TTC6: variants seen among roughly 807,000 people sequenced by gnomAD.
TTC6 encodes the protein tetratricopeptide repeat domain 6.
In TTC6, 172 loss-of-function variants were observed where a neutral mutation model predicts 210.4. The observed-to-expected ratio is 0.82, with a 90% CI of 0.72 to 0.93. The LOEUF is 0.93. Among genes scored for constraint, TTC6 ranks in the 40% least tolerant of loss-of-function variants. The pLI is 0.00. For missense variants in TTC6, 2,414 were observed against 2,318.1 expected (o/e 1.04, Z -0.85); for synonymous variants, 804 against 819.6 (o/e 0.98, Z 0.32).
At chr14:37,716,126 C>A (rs529998997) in intron 6 of TTC6, among the ~76,000 whole-genome samples, 1 of 151,948 alleles carries the variant, frequency 6.6e-6, no homozygotes, top group African/African-American at 2.4e-5. Flanking sequence ...TAAAATAATA[C>A]CCTCAGTCAA....
intron 1 of TTC6, among the ~76,000 whole-genome samples, chr14:37,647,323 G>A (rs1228220548): frequency 6.6e-6 from 1 of 152,224 alleles, no homozygotes; most frequent in Admixed American, 6.5e-5. Flanking sequence ...GTAAAGGAAG[G>A]AAGATAGGCA....
intron 1 of TTC6, among the ~76,000 whole-genome samples, chr14:37,629,817 G>A (rs1488683088): frequency 6.6e-6 from 1 of 152,118 alleles, no homozygotes; most frequent in African/African-American, 2.4e-5. Flanking sequence ...TTAGCATGAA[G>A]GACTGTTGAA....
chr14:37,784,048 G>C (rs921205519), intron 14 of TTC6, among the ~76,000 whole-genome samples: 1 of 152,020 alleles, frequency 6.6e-6, no homozygotes, highest in Admixed American at 6.6e-5. Flanking sequence ...GCTTTACTTC[G>C]AACTGTGTGG....
At chr14:37,609,267 T>C (rs1427842953) in intron 2 of TTC6, among the ~76,000 whole-genome samples, 2 of 151,972 alleles carry the variant, frequency 1.3e-5, no homozygotes, top group African/African-American at 4.8e-5. Context: ...ATATATAAAA[T>C]TAGCTGGGCA....
chr14:37,815,301 G>C (rs1325640583), intron 25 of TTC6, among the ~76,000 whole-genome samples: 1 of 152,112 alleles, frequency 6.6e-6, no homozygotes, highest in Non-Finnish European at 1.5e-5. Context: ...TTTGGTACCA[G>C]GGACCAGTTT....
chr14:37,696,943 A>G (rs566451228), intron 4 of TTC6, 108 bp downstream of exon 6: 3 of 481,236 alleles, frequency 6.2e-6, no homozygotes, highest in South Asian at 1.3e-4. Flanking sequence ...TTAGAAATTC[A>G]TATATGAGAC....
At chr14:37,810,746 C>A (rs2096127898) in intron 24 of TTC6, among the ~76,000 whole-genome samples, 2 of 152,136 alleles carry the variant, frequency 1.3e-5, no homozygotes, top group Non-Finnish European at 2.9e-5. Flanking sequence ...AAGTAACTTT[C>A]TGCAGAAAAT....
At chr14:37,662,494 A>T (rs112856977) in intron 1 of TTC6, among the ~76,000 whole-genome samples, 3 of 152,110 alleles carry the variant, frequency 2.0e-5, no homozygotes, top group African/African-American at 7.2e-5. Flanking sequence ...GCATCCTGGG[A>T]CTGAAGCCAA....
At chr14:37,792,628 T>G (rs1381668592) in intron 17 of TTC6, among the ~76,000 whole-genome samples, 3 of 152,090 alleles carry the variant, frequency 2.0e-5, no homozygotes, top group African/African-American at 7.2e-5. Context: ...CTTTTGAAAA[T>G]AATACCTTTT....
At chr14:37,616,475 G>T (rs1320126702) in intron 2 of TTC6, among the ~76,000 whole-genome samples, 1 of 151,952 alleles carries the variant, frequency 6.6e-6, no homozygotes, top group Non-Finnish European at 1.5e-5. Context: ...AGAATTCTTA[G>T]GTCAATAAAA....
At chr14:37,804,929 A>G (rs2096115016) in intron 21 of TTC6, 115 bp downstream of exon 23, 1 of 1,166,930 alleles carries the variant, frequency 8.6e-7, no homozygotes, top group Non-Finnish European at 1.2e-6. Flanking sequence ...AAAGCTGCTT[A>G]TGAAGCTTGG....
At chr14:37,796,310 A>G (rs1318568980) in exon 19 of TTC6, 1 of 1,291,974 alleles carries the variant, frequency 7.7e-7, no homozygotes, top group Non-Finnish European at 1.1e-6. Context: ...ATATCTTCTT[A>G]TGATGAAATA....
At chr14:37,785,364 A>G (rs1215214232) in intron 14 of TTC6, among the ~76,000 whole-genome samples, 1 of 152,096 alleles carries the variant, frequency 6.6e-6, no homozygotes, top group Admixed American at 6.6e-5. Flanking sequence ...CATTTCATTA[A>G]TTTGATCTTC....
chr14:37,727,105 C>A (rs1316767835), intron 7 of TTC6, among the ~76,000 whole-genome samples: 3 of 151,608 alleles, frequency 2.0e-5, no homozygotes, highest in African/African-American at 4.8e-5. Flanking sequence ...ATACATAATT[C>A]CCTGGCTATT....
At chr14:37,714,399 C>T (rs768047980) in intron 5 of TTC6, among the ~76,000 whole-genome samples, 2 of 151,440 alleles carry the variant, frequency 1.3e-5, no homozygotes, top group Admixed American at 6.6e-5. Flanking sequence ...ACTAGACTTT[C>T]ATAGGGTGAA....
Position 37,795,359 on chromosome 14 carries a change from G to T in TTC6, c.3791+7G>T. 1 of 1,501,022 alleles carries T rather than the reference G, an allele frequency of 6.7e-7. No homozygotes were observed. Among genetic ancestry groups the T allele is most frequent in the Non-Finnish European group, 8.9e-7 (1 of 1,124,490 alleles). The allele number at this position is 1,501,022 out of a possible 1,614,324, so 93.0% of individuals were successfully genotyped here. On this transcript the variant is annotated splice_region_variant and intron_variant, in intron 18 of 30. Coordinates refer to ENST00000553443, the Ensembl canonical transcript of TTC6. The stretch of plus-strand genomic sequence containing the variant: ...TCCAATTATACATAAGAAGGTATGA[G>T]CATAGAAACTGAATTCTTCTTGGGA...
chr14:37,701,059 T>C (rs905359946), intron 4 of TTC6, among the ~76,000 whole-genome samples: 20 of 152,244 alleles, frequency 1.3e-4, no homozygotes, highest in African/African-American at 3.9e-4. Flanking sequence ...AGTTTGTTTT[T>C]AGACTTGTTG....
chr14:37,690,838 A>T (rs1260133933), intron 3 of TTC6, among the ~76,000 whole-genome samples: 2 of 152,188 alleles, frequency 1.3e-5, no homozygotes, highest in East Asian at 3.8e-4. Context: ...CAACAAAGAA[A>T]CATCAGACTT....
chr14:37,634,425 G>C lies in TTC6; in HGVS notation c.939+11422G>C, dbSNP rs177847. On this transcript the variant is annotated intron_variant, in intron 1 of 30. Transcript: ENST00000553443. ...ACTTGGAGAACAATACAATATACTT[G>C]AGCTGAAAACAGAGACAGTAGACTG... 1.3e-3 allele frequency among the ~76,000 whole-genome samples: 197 copies of C among 152,202 alleles called. 1 individual carries two copies. Among genetic ancestry groups the C allele is most frequent in the African/African-American group, 4.6e-3 (189 of 41,536 alleles).
Sources: gnomAD v4.1 joint callset for allele counts (sites outside exome capture counted in the v4.1 genomes callset) on GRCh38, gnomAD v4.1.1 for gene constraint, MANE v1.5 for transcripts, NCBI Gene and HGNC (gene_info 2026-07-23, HGNC 2026-07-21) for gene names.